Variants in MTHFD1L observed in about 807,000 individuals in gnomAD.
The protein encoded by MTHFD1L is methylenetetrahydrofolate dehydrogenase (NADP+ dependent) 1 like, also known as monofunctional C1-tetrahydrofolate synthase, mitochondrial.
A neutral mutation model predicts 119.5 loss-of-function variants in MTHFD1L; 81 were observed. The ratio of observed to expected loss-of-function variants is 0.68; its 90% CI spans 0.57 to 0.82. The LOEUF (loss-of-function observed/expected upper bound fraction) is 0.82, where lower values mean the gene tolerates loss of function less well. Among genes scored for constraint, MTHFD1L ranks in the 40% least tolerant of loss-of-function variants. The pLI, the probability that MTHFD1L is intolerant of heterozygous loss-of-function variation, is 0.00. For synonymous variants in MTHFD1L, 430 were observed against 475.2 expected, an observed-to-expected ratio of 0.90 and a Z score of 1.24; for missense variants, 1,125 against 1,253.4, an observed-to-expected ratio of 0.90 and a Z score of 1.55.
intron 22 of MTHFD1L, among the ~76,000 whole-genome samples, chr6:151,014,098 G>A (rs1028383831): frequency 1.7e-4 from 26 of 152,266 alleles, no homozygotes; most frequent in African/African-American, 6.3e-4. Context: ...GGTGGCTCAC[G>A]CCTGTAGTCC....
chr6:151,054,006 A>G (rs572334610), intron 26 of MTHFD1L, among the ~76,000 whole-genome samples: 28 of 152,118 alleles, frequency 1.8e-4, no homozygotes, highest in Non-Finnish European at 4.0e-4. Flanking sequence ...TTAACTTTTA[A>G]TTTTAACTTT....
Position 150,928,302 on chromosome 6 carries a change from G to A in MTHFD1L, c.1256+2007G>A, listed in dbSNP as rs559352402. ...TACCAAAAAATTAGCCAGGCGTGGT[G>A]GCAGGCACCTGTAGTCCCAGCTACT... On this transcript the variant is annotated intron_variant, in intron 11 of 27. Coordinates refer to ENST00000367321, the MANE Select transcript of MTHFD1L (RefSeq NM_015440.5). 2.6e-5 allele frequency among the ~76,000 whole-genome samples: 4 copies of A among 151,744 alleles called. No homozygotes were observed. The South Asian group carries it at 6.3e-4, about 24-fold the overall frequency.
chr6:151,077,845 C>T (rs1322627310), intron 26 of MTHFD1L, among the ~76,000 whole-genome samples: 1 of 151,692 alleles, frequency 6.6e-6, no homozygotes, highest in East Asian at 1.9e-4. Flanking sequence ...GGGCGGAGCA[C>T]GAGGTCAGGA....
Position 151,037,061 on chromosome 6 carries a change from A to C in MTHFD1L, c.2791A>C (p.Ile931Leu). 2.5e-6 allele frequency: 4 copies of C among 1,611,962 alleles called. No individual in the cohort carries two copies. Among genetic ancestry groups the C allele is most frequent in the Non-Finnish European group, 3.4e-6 (4 of 1,179,832 alleles). ...KGVPRDFILP[I>L]SDVRASIGAG... ...TGTGCCAAGGGACTTCATCTTACCT[A>C]TCAGTGACGTCCGGGCCAGCATAGG... Residue 931 changes from isoleucine to leucine, a missense_variant, in exon 26 of 28, where the codon ATC becomes CTC. By Grantham distance (5) the Ile-to-Leu change is conservative. Coordinates refer to ENST00000367321, the MANE Select transcript of MTHFD1L (RefSeq NM_015440.5).
At chr6:150,907,887 G>A (rs11962927) in intron 8 of MTHFD1L, among the ~76,000 whole-genome samples, 7,230 of 149,524 alleles carry the variant, frequency 0.048, 594 homozygotes, top group African/African-American at 0.17. Context: ...CTTAGTAACC[G>A]CTCTGTGAAA....
chr6:150,998,629 C>T (rs563377362), intron 20 of MTHFD1L, among the ~76,000 whole-genome samples: 15 of 148,710 alleles, frequency 1.0e-4, no homozygotes, highest in African/African-American at 3.0e-4. Flanking sequence ...TCTCGTGTGG[C>T]GGGTTGCAGT....
chr6:151,037,260 A>G lies in MTHFD1L; in HGVS notation c.2847+143A>G, dbSNP rs566728019. 6.4e-5 allele frequency: 60 copies of G among 935,258 alleles called. No individual in the cohort carries two copies. In the African/African-American group the frequency reaches 8.6e-4, roughly 13 times the overall value. The allele number at this position is 935,258 out of a possible 1,614,324, so 57.9% of individuals were successfully genotyped here. On this transcript the variant is annotated intron_variant, in intron 26 of 27. Coordinates refer to ENST00000367321, the MANE Select transcript of MTHFD1L (RefSeq NM_015440.5). ...ATAGTACAGTATTCGCTATTTTTCT[A>G]AACACTGTGTCTCACCTACTTTTGC...
At chr6:150,965,083 G>A in intron 19 of MTHFD1L, 46 bp downstream of exon 19, 1 of 1,559,402 alleles carries the variant, frequency 6.4e-7, no homozygotes, top group Non-Finnish European at 8.8e-7. Context: ...TAACTGGATT[G>A]CCACACAATG....
At chr6:151,003,389 G>T (rs550187315) in intron 20 of MTHFD1L, among the ~76,000 whole-genome samples, 1 of 152,090 alleles carries the variant, frequency 6.6e-6, no homozygotes, top group South Asian at 2.1e-4. Context: ...AAAATTAGCC[G>T]AGCGTGGTGG....
At chr6:150,991,057 A>G (rs1015623560) in intron 20 of MTHFD1L, among the ~76,000 whole-genome samples, 1 of 151,822 alleles carries the variant, frequency 6.6e-6, no homozygotes, top group Non-Finnish European at 1.5e-5. Context: ...GAGTTTCGCC[A>G]TGTTGTCCAG....
intron 26 of MTHFD1L, among the ~76,000 whole-genome samples, chr6:151,074,773 G>T (rs954504715): frequency 1.3e-5 from 2 of 152,150 alleles, no homozygotes; most frequent in African/African-American, 4.8e-5. Flanking sequence ...TGCTATGCAG[G>T]CTTGTAGCCC....
chr6:150,994,591 A>G (rs1160323824), intron 20 of MTHFD1L, among the ~76,000 whole-genome samples: 2 of 152,214 alleles, frequency 1.3e-5, no homozygotes, highest in Non-Finnish European at 2.9e-5. Context: ...CTACACAGAC[A>G]TGATTAGGAT....
At chr6:150,974,694 C>T (rs1265441271) in intron 20 of MTHFD1L, among the ~76,000 whole-genome samples, 1 of 151,316 alleles carries the variant, frequency 6.6e-6, no homozygotes, top group Non-Finnish European at 1.5e-5. Flanking sequence ...AAGGTTCATC[C>T]ATGTTGCAGC....
chr6:150,937,027 T>G, intron 12 of MTHFD1L, 87 bp downstream of exon 12: 1 of 1,498,346 alleles, frequency 6.7e-7, no homozygotes, highest in Non-Finnish European at 9.1e-7. Context: ...GATAAAGAGT[T>G]AAGACTTTTC....
intron 22 of MTHFD1L, 136 bp from the exon 23 acceptor site, chr6:151,014,744 G>A (rs751735868): frequency 1.6e-6 from 1 of 624,936 alleles, no homozygotes; most frequent in Non-Finnish European, 2.8e-6. Context: ...CTTTATTCTT[G>A]CAGCCATCTT....
chr6:150,896,594 C>T (rs745516991), intron 7 of MTHFD1L, among the ~76,000 whole-genome samples: 1 of 152,118 alleles, frequency 6.6e-6, no homozygotes, highest in East Asian at 1.9e-4. Flanking sequence ...TAGTGTTGGC[C>T]CCTGAGCTTT....
chr6:150,976,013 C>T (rs1467686998), intron 20 of MTHFD1L, among the ~76,000 whole-genome samples: 1 of 152,176 alleles, frequency 6.6e-6, no homozygotes, highest in Non-Finnish European at 1.5e-5. Context: ...GCCTGGCCAA[C>T]ATGGTGAAAC....
At chr6:151,017,655 T>A (rs931948314) in intron 24 of MTHFD1L, among the ~76,000 whole-genome samples, 3 of 151,980 alleles carry the variant, frequency 2.0e-5, no homozygotes, top group African/African-American at 7.3e-5. Context: ...AGAATTTCCT[T>A]TATTTTTCGG....
chr6:150,918,012 G>A lies in MTHFD1L; in HGVS notation c.893-565G>A, dbSNP rs1188199642. Among the ~76,000 whole-genome samples, 3 of 150,578 alleles carry A rather than the reference G, an allele frequency of 2.0e-5. No individual in the cohort carries two copies. The East Asian group carries it at 5.9e-4, about 29-fold the overall frequency. Reference sequence around the variant, plus strand: ...ATATGATTTTGAAAGCACATGATGTGCTTCATTACATTTTTTAAATCCATT... The same window carrying A: ...ATATGATTTTGAAAGCACATGATGTACTTCATTACATTTTTTAAATCCATT... On this transcript the variant is annotated intron_variant, in intron 8 of 27. Coordinates refer to ENST00000367321, the MANE Select transcript of MTHFD1L (RefSeq NM_015440.5).
Sources: gnomAD v4.1 joint callset for allele counts (sites outside exome capture counted in the v4.1 genomes callset) on GRCh38, gnomAD v4.1.1 for gene constraint, MANE v1.5 for transcripts, NCBI Gene and HGNC (gene_info 2026-07-23, HGNC 2026-07-21) for gene names.